The following TENM1 variants were observed in gnomAD, a reference collection of about 807,000 sequenced individuals.
TENM1 encodes teneurin-1.
A neutral mutation model predicts 174.8 loss-of-function variants in TENM1; 35 were observed. The ratio of observed to expected loss-of-function variants is 0.20; its 90% CI spans 0.15 to 0.27. The LOEUF is 0.27. TENM1 is among the 10% of genes least tolerant of loss of function. The pLI is 1.00. For synonymous variants in TENM1, 781 were observed against 798.7 expected (o/e 0.98, Z 0.37); for missense variants, 1,633 against 2,130.1 (o/e 0.77, Z 4.59).
In TENM1 at chrX:124,440,955, C is replaced by T. The variant is rs371901681; in HGVS notation, c.4104+12382G>A. Among the ~76,000 whole-genome samples, 4 of 112,059 alleles carry T rather than the reference C, an allele frequency of 3.6e-5. No homozygotes were observed. In the South Asian group the frequency reaches 1.1e-3, roughly 31 times the overall value. On this transcript the variant is annotated intron_variant, in intron 23 of 31. Transcript: ENST00000422452. ...GACATGGCAAACGTACACATAAAAGCCAAGGTTACATGTAATGCCATATGG... is the reference window on the plus strand; with the variant it reads ...GACATGGCAAACGTACACATAAAAGTCAAGGTTACATGTAATGCCATATGG...
intron 3 of TENM1, among the ~76,000 whole-genome samples, chrX:124,885,249 T>C (rs758310207): frequency 9.1e-6 from 1 of 110,197 alleles, no homozygotes; most frequent in South Asian, 3.9e-4. Flanking sequence ...GCCACTATCA[T>C]GCTTTACTAA....
intron 3 of TENM1, among the ~76,000 whole-genome samples, chrX:124,798,378 G>A (rs944546569): frequency 3.6e-5 from 4 of 111,229 alleles, no homozygotes; most frequent in Non-Finnish European, 5.7e-5. Flanking sequence ...TTTAATGATC[G>A]CCATTCTACT....
At chrX:124,956,845 G>C (rs1006683770) in intron 1 of TENM1, among the ~76,000 whole-genome samples, 2 of 112,293 alleles carry the variant, frequency 1.8e-5, no homozygotes, top group African/African-American at 6.5e-5. Context: ...TGTAAATACA[G>C]ATCCTGAGAT....
intron 3 of TENM1, among the ~76,000 whole-genome samples, chrX:124,862,068 G>C (rs1225807587): frequency 8.9e-6 from 1 of 112,005 alleles, no homozygotes; most frequent in African/African-American, 3.2e-5. Context: ...CAGAAAATAG[G>C]TTTCACTGAT....
the TENM1 span, among the ~76,000 whole-genome samples, chrX:125,160,093 G>A: frequency 1.7e-4 from 19 of 108,654 alleles, no homozygotes; most frequent in African/African-American, 3.7e-4. Flanking sequence ...CCAGCTACTC[G>A]GGAGGCTGAG....
At chrX:125,122,332 A>C in the TENM1 span, among the ~76,000 whole-genome samples, 1 of 111,523 alleles carries the variant, frequency 9.0e-6, no homozygotes, top group Non-Finnish European at 1.9e-5. Context: ...AAAATGCTTT[A>C]CTGTGAGAAG....
At chrX:125,117,703 A>T in the TENM1 span, among the ~76,000 whole-genome samples, 7 of 110,384 alleles carry the variant, frequency 6.3e-5, no homozygotes, top group East Asian at 2.9e-4. Flanking sequence ...ACTATAATTT[A>T]AAAAAAAAGT....
exon 32 of TENM1, chrX:124,379,529 T>G (rs1057419804): frequency 1.8e-5 from 2 of 112,303 alleles, no homozygotes; most frequent in Non-Finnish European, 3.8e-5. Flanking sequence ...TTGGCTCTTA[T>G]GAATTTCTGC....
At chrX:124,634,271 A>G (rs1186953664) in intron 11 of TENM1, among the ~76,000 whole-genome samples, 3 of 111,664 alleles carry the variant, frequency 2.7e-5, no homozygotes, top group Non-Finnish European at 5.7e-5. Context: ...CTTTAAGTCC[A>G]GGGAATTTGT....
At chrX:125,008,310 A>T in the TENM1 span, among the ~76,000 whole-genome samples, 1 of 111,681 alleles carries the variant, frequency 9.0e-6, no homozygotes, top group Admixed American at 9.5e-5. Context: ...TCATAAAGGG[A>T]TCAATTCAAG....
the TENM1 span, among the ~76,000 whole-genome samples, chrX:125,194,287 A>G: frequency 9.0e-6 from 1 of 111,140 alleles, no homozygotes; most frequent in African/African-American, 3.3e-5. Context: ...CACACCCTAA[A>G]TTAAATCAAT....
At chrX:124,487,107 TAA>T in intron 21 of TENM1, 100 bp downstream of exon 24, 2 of 830,983 alleles carry the variant, frequency 2.4e-6, no homozygotes, top group Admixed American at 5.8e-5. Flanking sequence ...CACTATTCTT[TAA>T]CCTTATTTAG....
chrX:124,612,239 A>G (rs2050294473), intron 11 of TENM1, among the ~76,000 whole-genome samples: 1 of 110,941 alleles, frequency 9.0e-6, no homozygotes. Context: ...ATGCATACAT[A>G]TGTGTGTGTG....
At chrX:125,056,220 A>C in the TENM1 span, among the ~76,000 whole-genome samples, 32 of 111,819 alleles carry the variant, frequency 2.9e-4, no homozygotes, top group Non-Finnish European at 5.5e-4. Context: ...GCCAGTGAAA[A>C]TATAAGCTGT....
At chrX:124,653,860 A>G (rs2051371620) in intron 6 of TENM1, 77 bp from the exon 10 acceptor site, 1 of 873,945 alleles carries the variant, frequency 1.1e-6, no homozygotes, top group Non-Finnish European at 1.6e-6. Flanking sequence ...CTTTTCAAGA[A>G]CAGATATATC....
At chrX:124,774,952 G>C (rs1287838992) in intron 3 of TENM1, among the ~76,000 whole-genome samples, 1 of 110,676 alleles carries the variant, frequency 9.0e-6, no homozygotes, top group African/African-American at 3.3e-5. Context: ...ATCCTTCAAA[G>C]GATCCTCCAA....
intron 6 of TENM1, among the ~76,000 whole-genome samples, chrX:124,671,286 G>A (rs1171212259): frequency 1.8e-5 from 2 of 110,527 alleles, no homozygotes; most frequent in African/African-American, 6.6e-5. Context: ...AAGCTTTTTC[G>A]TATTACAAAC....
At chrX:124,931,397 G>A (rs2058168841) in intron 1 of TENM1, among the ~76,000 whole-genome samples, 1 of 111,026 alleles carries the variant, frequency 9.0e-6, no homozygotes, top group African/African-American at 3.3e-5. Flanking sequence ...TCACCACCTG[G>A]AAAAGAGAGT....
intron 20 of TENM1, among the ~76,000 whole-genome samples, chrX:124,494,086 T>G (rs757443839): frequency 6.2e-4 from 69 of 111,440 alleles, no homozygotes; most frequent in Non-Finnish European, 1.2e-3. Context: ...ATAGCAAGCA[T>G]GAGAATCTGA....
Sources: gnomAD v4.1 joint callset for allele counts (sites outside exome capture counted in the v4.1 genomes callset) on GRCh38, gnomAD v4.1.1 for gene constraint, MANE v1.5 for transcripts, NCBI Gene and HGNC (gene_info 2026-07-23, HGNC 2026-07-21) for gene names.